Variants in KTN1 observed in about 807,000 individuals in gnomAD.
KTN1 encodes kinectin 1.
Under a neutral mutation model 222.5 loss-of-function variants are expected in KTN1, and 130 were observed. That is an observed-to-expected ratio of 0.58 (90% CI 0.51 to 0.68). The LOEUF (loss-of-function observed/expected upper bound fraction) is 0.68. KTN1 is among the 30% of genes least tolerant of loss of function. The pLI, the probability that KTN1 is intolerant of heterozygous loss-of-function variation, is 0.00. For missense variants in KTN1, 1,508 were observed against 1,500.4 expected, an observed-to-expected ratio of 1.01 and a Z score of -0.08; for synonymous variants, 512 against 496.3, an observed-to-expected ratio of 1.03 and a Z score of -0.42.
rs919062692 is a variant in KTN1, at chr14:55,616,517, A to G, written c.524A>G (p.Asp175Gly). Reference sequence around the variant, plus strand: ...TTTTTTTTGTTTGTGTTTAATAAAGATGACCAGGATAAAAAGGTGGAAACT... The same window carrying G: ...TTTTTTTTGTTTGTGTTTAATAAAGGTGACCAGGATAAAAAGGTGGAAACT... Reference protein sequence around the residue: ...PGQKKSKNGSDDQDKKVETLM... With the variant: ...PGQKKSKNGSGDQDKKVETLM... Residue 175 changes from aspartate to glycine, a missense_variant and splice_region_variant, in exon 3 of 44, where the codon GAT becomes GGT. Asp to Gly is a moderately conservative substitution (Grantham distance 94). Coordinates refer to ENST00000395314, the MANE Select transcript of KTN1 (RefSeq NM_001079521.2). 1.9e-6 allele frequency: 3 copies of G among 1,571,520 alleles called. No individual in the cohort carries two copies. The highest frequency in any genetic ancestry group is 2.6e-6 in the Non-Finnish European group (3 of 1,167,742).
chr14:55,607,348 C>CT (rs569971836), intron 1 of KTN1: 1 of 151,884 alleles, frequency 6.6e-6, no homozygotes, highest in East Asian at 1.9e-4. Flanking sequence ...TTTTTTAGTT[C>CT]TTTTAAGATA....
At chr14:55,616,460 T>G (rs988962403) in intron 2 of KTN1, 57 bp from the exon 3 acceptor site, 18 of 1,459,490 alleles carry the variant, frequency 1.2e-5, no homozygotes, top group Non-Finnish European at 1.7e-5. Flanking sequence ...TGATTGCATC[T>G]TTTCCGTTAT....
chr14:55,637,942 C>A, intron 12 of KTN1, 95 bp downstream of exon 12: 2 of 845,832 alleles, frequency 2.4e-6, no homozygotes, highest in Non-Finnish European at 3.8e-6. Flanking sequence ...GGATTAATAG[C>A]TGGGAGACTA....
intron 22 of KTN1, 119 bp downstream of exon 22, chr14:55,649,932 C>G: frequency 1.8e-6 from 1 of 547,588 alleles, no homozygotes; most frequent in Non-Finnish European, 3.1e-6. Flanking sequence ...TTAACTTTCA[C>G]TCTATAATTT....
chr14:55,677,617 A>G (rs1001480831), intron 41 of KTN1, among the ~76,000 whole-genome samples: 2 of 152,206 alleles, frequency 1.3e-5, no homozygotes, highest in Non-Finnish European at 2.9e-5. Flanking sequence ...GGGTGGACAA[A>G]TCCCAAAGCT....
chr14:55,597,118 A>G (rs933029804), intron 1 of KTN1, among the ~76,000 whole-genome samples: 4 of 152,188 alleles, frequency 2.6e-5, no homozygotes, highest in African/African-American at 7.2e-5. Context: ...AAAGTTATTT[A>G]TGTTCAGAGA....
In KTN1 at chr14:55,671,810, G is replaced by C; in HGVS notation, c.3464G>C (p.Arg1155Thr). The change falls in exon 37 of 44, where the codon AGA (arginine) becomes ACA (threonine). Residue 1155 changes from arginine (R) to threonine (T), a missense_variant. Transcript: ENST00000395314. ...GAAGGAATTTTACAGAAGCTACAGA[G>C]AAGTGTTGAGCAAGAAGAAAATAAA... The part of the protein sequence containing the change: ...ETEGILQKLQ[R>T]SVEQEENKWK... 6.2e-7 allele frequency: 1 copy of C among 1,610,910 alleles called. No individual in the cohort carries two copies. Among genetic ancestry groups the C allele is most frequent in the South Asian group, 1.1e-5 (1 of 90,992 alleles).
chr14:55,664,039 A>G lies in KTN1; in HGVS notation c.3175A>G (p.Lys1059Glu). Residue 1059 changes from lysine to glutamate, a missense_variant and splice_region_variant, in exon 33 of 44, where the codon AAG becomes GAG. Lys to Glu is a moderately conservative substitution (Grantham distance 56, BLOSUM62 1). Transcript: ENST00000395314. Reference sequence around the variant, plus strand: ...GCAGGACAAAGTGAACAAGACTTCCAAGGTTGTAATGCTAACTCCTAGAAA... The same window carrying G: ...GCAGGACAAAGTGAACAAGACTTCCGAGGTTGTAATGCTAACTCCTAGAAA... The part of the protein sequence containing the change: ...MLQDKVNKTS[K>E]ERQQQVEAVE... 1 of 1,605,628 alleles carries G rather than the reference A, an allele frequency of 6.2e-7. No individual in the cohort carries two copies. The highest frequency in any genetic ancestry group is 8.5e-7 in the Non-Finnish European group (1 of 1,173,188).
intron 34 of KTN1, among the ~76,000 whole-genome samples, chr14:55,669,230 C>T (rs1207423721): frequency 3.3e-5 from 5 of 151,936 alleles, no homozygotes; most frequent in African/African-American, 1.2e-4. Context: ...TAAAAATTTT[C>T]TTTTCTAACA....
rs551941810 is a variant in KTN1 at position 55,580,950 on chromosome 14, C to T, written c.-31+596C>T. ...CCCTTTGCGAGTCCCCAGGTCAGGGCGGGAGGCGGTTGGGCACGGAAAGCA... is the reference window on the plus strand; with the variant it reads ...CCCTTTGCGAGTCCCCAGGTCAGGGTGGGAGGCGGTTGGGCACGGAAAGCA... On this transcript the variant is annotated intron_variant, in intron 1 of 43. Transcript: ENST00000395314. Among the ~76,000 whole-genome samples, 59 of 152,278 alleles carry T rather than the reference C, an allele frequency of 3.9e-4. 1 individual carries two copies. The East Asian group carries it at 0.011, about 29-fold the overall frequency.
intron 30 of KTN1, among the ~76,000 whole-genome samples, chr14:55,659,245 G>A (rs1454831913): frequency 6.6e-6 from 1 of 150,714 alleles, no homozygotes; most frequent in African/African-American, 2.4e-5. Flanking sequence ...GCATGTTGAT[G>A]TATAAATAAC....
chr14:55,671,875 C>T lies in KTN1; in HGVS notation c.3529C>T (p.Gln1177Ter). 6.5e-7 allele frequency: 1 copy of T among 1,546,346 alleles called. No homozygotes were observed. Among genetic ancestry groups the T allele is most frequent in the Non-Finnish European group, 8.9e-7 (1 of 1,119,056 alleles). Reference sequence around the variant, plus strand: ...CGATGAATCACACAAGACTATTAAACAGGTATTTACAAAAGAAAAGCTTAG... The same window carrying T: ...CGATGAATCACACAAGACTATTAAATAGGTATTTACAAAAGAAAAGCTTAG... The part of the protein sequence containing the change: ...KVDESHKTIK[Q>*]MQSSFTSSEQ... Residue 1177 changes from glutamine (Q) to a stop codon, truncating the protein, a stop_gained and splice_region_variant, in exon 37 of 44, where the codon CAG becomes TAG. Transcript: ENST00000395314. LOFTEE classifies it high-confidence loss of function.
chr14:55,647,850 A>G lies in KTN1; in HGVS notation c.2208-175A>G, dbSNP rs575515368. ...TCCCAGCTACTCGGGAGGGTGAGGC[A>G]GGAGAATGGCATGAACCCGGGAGGC... On this transcript the variant is annotated intron_variant, in intron 19 of 43. Transcript: ENST00000395314. Among the ~76,000 whole-genome samples, 15 of 151,878 alleles carry G rather than the reference A, an allele frequency of 9.9e-5. No individual in the cohort carries two copies. The Middle Eastern group carries it at 0.01, about 103-fold the overall frequency.
rs540937128 is a variant in KTN1, at chr14:55,624,628, A to G, written c.964-3284A>G. The stretch of plus-strand genomic sequence containing the variant: ...TCAACAGTACATATGGTAGATGTAT[A>G]TTAGATCAGGGAGGATGTGAGAGGT... On this transcript the variant is annotated intron_variant, in intron 5 of 43. Transcript: ENST00000395314. Among the ~76,000 whole-genome samples the G allele has an allele frequency of 9.2e-5, 14 of 152,320 alleles. No homozygotes were observed. The East Asian group carries it at 2.3e-3, about 25-fold the overall frequency.
At chr14:55,633,392 G>C (rs369516249) in intron 8 of KTN1, 51 bp downstream of exon 8, 31 of 1,100,252 alleles carry the variant, frequency 2.8e-5, no homozygotes, top group Admixed American at 1.5e-4. Context: ...GTATTTTCTT[G>C]AATCATCAAA....
chr14:55,666,980 A>G (rs2044836371), intron 33 of KTN1, among the ~76,000 whole-genome samples: 1 of 151,996 alleles, frequency 6.6e-6, no homozygotes, highest in Admixed American at 6.6e-5. Flanking sequence ...TGATTTCTAA[A>G]TGCCAGGGAA....
rs117236880 is a variant in KTN1, at chr14:55,678,649, G to T, written c.3948+205G>T. 8.4e-4 allele frequency: 417 copies of T among 494,120 alleles called. 4 individuals carry two copies. Among genetic ancestry groups the T allele is most frequent in the African/African-American group, 7.1e-3 (365 of 51,580 alleles). The allele number at this position is 494,120 out of a possible 1,614,324, so 30.6% of individuals were successfully genotyped here. A position where few individuals can be genotyped will look rare whatever the true frequency, so the allele number is the denominator to read the frequency against. On this transcript the variant is annotated intron_variant, in intron 42 of 43. Transcript: ENST00000395314. ...AGGGTTGTGTTGAGAGGTATGGAGC[G>T]GGGGTCCCCAATTCCTGGACTGTGG... is the stretch of plus-strand genomic sequence containing the variant.
At chr14:55,637,041 A>G (rs556560700) in intron 10 of KTN1, among the ~76,000 whole-genome samples, 157 bp from the exon 11 acceptor site, 5 of 152,064 alleles carry the variant, frequency 3.3e-5, no homozygotes, top group African/African-American at 9.7e-5. Context: ...CCTTTCTCCC[A>G]TGAAACGCAA....
chr14:55,629,212 C>T (rs753719079), intron 6 of KTN1, among the ~76,000 whole-genome samples: 1 of 151,870 alleles, frequency 6.6e-6, no homozygotes, highest in Admixed American at 6.6e-5. Flanking sequence ...GTCAGGAGAT[C>T]GAGACCATCT....
Sources: allele counts gnomAD v4.1 joint callset (sites outside exome capture counted in the v4.1 genomes callset), GRCh38; gene constraint gnomAD v4.1.1; transcripts MANE v1.5; gene names NCBI Gene and HGNC (gene_info 2026-07-23, HGNC 2026-07-21).